SRPK2: variants seen among roughly 807,000 people sequenced by gnomAD.
SRPK2 encodes SRSF protein kinase 2.
Under a neutral mutation model 90.8 loss-of-function variants are expected in SRPK2, and 21 were observed. The ratio of observed to expected loss-of-function variants is 0.23; its 90% CI spans 0.16 to 0.33. The LOEUF is 0.33. Among genes scored for constraint, SRPK2 ranks in the 10% least tolerant of loss-of-function variants. The pLI is 1.00. For synonymous variants in SRPK2, 288 were observed against 311.1 expected (o/e 0.93, Z 0.78); for missense variants, 620 against 869.0 (o/e 0.71, Z 3.60).
At chr7:105,153,140 C>T (rs886321370) in intron 7 of SRPK2, among the ~76,000 whole-genome samples, 5 of 152,092 alleles carry the variant, frequency 3.3e-5, no homozygotes, top group African/African-American at 1.2e-4. Context: ...GAGCCAGGGA[C>T]GTGACTCTCA....
rs147276364 is a variant in SRPK2 at position 105,326,540 on chromosome 7, A to T, written c.71+62108T>A. Among the ~76,000 whole-genome samples, 550 of 152,306 alleles carry T rather than the reference A, an allele frequency of 3.6e-3. 3 individuals carry two copies. The highest frequency in any genetic ancestry group is 0.013 in the African/African-American group (520 of 41,572). On this transcript the variant is annotated intron_variant, in intron 2 of 15. Coordinates refer to ENST00000393651, the MANE Select transcript of SRPK2 (RefSeq NM_182692.3). ...TGGCAAGATCATGACTGGCCTTCTA[A>T]ATACTATCAATTATGCCATTCAAGT...
intron 2 of SRPK2, among the ~76,000 whole-genome samples, chr7:105,343,914 CA>C (rs1275464287): frequency 6.6e-6 from 1 of 151,794 alleles, no homozygotes. Context: ...AGGCATGCGC[CA>C]CCACACCCGG....
chr7:105,373,404 CTTTTT>C (rs60572082), intron 2 of SRPK2, among the ~76,000 whole-genome samples: 7 of 127,442 alleles, frequency 5.5e-5, no homozygotes, highest in South Asian at 2.5e-4. Context: ...TTTTCTTTTC[CTTTTT>C]TTTTTTTTTT....
rs370353468 is a variant in SRPK2, at chr7:105,143,058, C to T, written c.1060+26G>A. On this transcript the variant is annotated intron_variant, in intron 10 of 15. Transcript: ENST00000393651. Reference sequence around the variant, plus strand: ...CTAATGGAGCTCTGAGAACCCCATGCAGCCCAGGTTCCAGGCCCCACTGAC... The same window carrying T: ...CTAATGGAGCTCTGAGAACCCCATGTAGCCCAGGTTCCAGGCCCCACTGAC... 8.1e-6 allele frequency: 13 copies of T among 1,605,878 alleles called. No homozygotes were observed. The African/African-American group carries it at 1.5e-4, about 18-fold the overall frequency.
intron 2 of SRPK2, among the ~76,000 whole-genome samples, chr7:105,350,217 G>A (rs1331937315): frequency 1.4e-5 from 2 of 139,418 alleles, no homozygotes; most frequent in African/African-American, 2.7e-5. Flanking sequence ...TGCAACCTCC[G>A]CCTCCCCTGT....
At chr7:105,372,003 C>A (rs1332505995) in intron 2 of SRPK2, among the ~76,000 whole-genome samples, 1 of 151,650 alleles carries the variant, frequency 6.6e-6, no homozygotes, top group African/African-American at 2.4e-5. Context: ...GGCGTGGTGG[C>A]GGGCGCCTGT....
chr7:105,152,623 T>C (rs925969677), intron 7 of SRPK2, among the ~76,000 whole-genome samples: 22 of 152,340 alleles, frequency 1.4e-4, no homozygotes, highest in African/African-American at 5.3e-4. Context: ...AAAGGAATCA[T>C]GTTTCATCCC....
chr7:105,199,811 T>C (rs1795325396), intron 3 of SRPK2, among the ~76,000 whole-genome samples: 1 of 151,818 alleles, frequency 6.6e-6, no homozygotes, highest in Admixed American at 6.6e-5. Flanking sequence ...TTCCTAGCTC[T>C]GTACTGAGAT....
At chr7:105,374,582 T>C (rs1820073531) in intron 2 of SRPK2, among the ~76,000 whole-genome samples, 1 of 152,204 alleles carries the variant, frequency 6.6e-6, no homozygotes, top group Non-Finnish European at 1.5e-5. Flanking sequence ...TAATTAGTTA[T>C]GAAGTTTTTA....
intron 2 of SRPK2, among the ~76,000 whole-genome samples, chr7:105,278,040 G>A (rs930461439): frequency 6.6e-6 from 1 of 152,214 alleles, no homozygotes; most frequent in Admixed American, 6.5e-5. Flanking sequence ...GAGGCCAGGC[G>A]CGGTGGGGCT....
chr7:105,252,736 CTTTT>C (rs796434008), intron 2 of SRPK2, among the ~76,000 whole-genome samples: 1 of 126,804 alleles, frequency 7.9e-6, no homozygotes, highest in East Asian at 2.1e-4. Context: ...TCTTTCTTTT[CTTTT>C]TTTTTTCTTT....
chr7:105,305,500 T>C (rs1384476613), intron 2 of SRPK2, among the ~76,000 whole-genome samples: 1 of 152,112 alleles, frequency 6.6e-6, no homozygotes, highest in Non-Finnish European at 1.5e-5. Context: ...ACCAAGGAAA[T>C]TGTAGAGAAA....
At chr7:105,358,223 C>CAAA (rs976713048) in intron 2 of SRPK2, among the ~76,000 whole-genome samples, 455 of 50,920 alleles carry the variant, frequency 8.9e-3, no homozygotes, top group Non-Finnish European at 0.011. Flanking sequence ...GACTCCGTCT[C>CAAA]AAAAAAAAAA....
At chr7:105,266,770 T>C (rs1379910772) in intron 2 of SRPK2, among the ~76,000 whole-genome samples, 2 of 152,200 alleles carry the variant, frequency 1.3e-5, no homozygotes, top group East Asian at 3.8e-4. Flanking sequence ...CAGGATATAG[T>C]GTTACAAGCC....
chr7:105,124,609 C>T (rs1430490396), intron 15 of SRPK2, among the ~76,000 whole-genome samples: 8 of 94,202 alleles, frequency 8.5e-5, no homozygotes, highest in African/African-American at 2.7e-4. Flanking sequence ...CCACTGCACT[C>T]CAGCCTGGAC....
In SRPK2 at chr7:105,359,963, A is replaced by C. The variant is rs527519498; in HGVS notation, c.71+28685T>G. Among the ~76,000 whole-genome samples, 370 of 152,264 alleles carry C rather than the reference A, an allele frequency of 2.4e-3. 3 individuals carry two copies. The South Asian group carries it at 0.037, about 15-fold the overall frequency. Reference sequence around the variant, plus strand: ...ACCTTCTGTCTCGTTGATCTGTCTAATATTGACAGTGGGGTGTTAAAGTCT... The same window carrying C: ...ACCTTCTGTCTCGTTGATCTGTCTACTATTGACAGTGGGGTGTTAAAGTCT... On this transcript the variant is annotated intron_variant, in intron 2 of 15. Transcript: ENST00000393651.
chr7:105,295,285 GT>G (rs971855411), intron 2 of SRPK2, among the ~76,000 whole-genome samples: 1 of 150,470 alleles, frequency 6.6e-6, no homozygotes, highest in African/African-American at 2.4e-5. Context: ...TTTATATAAC[GT>G]TTTAATATAT....
At chr7:105,265,995 T>C (rs1343061137) in intron 2 of SRPK2, among the ~76,000 whole-genome samples, 1 of 152,120 alleles carries the variant, frequency 6.6e-6, no homozygotes, top group East Asian at 1.9e-4. Flanking sequence ...ATAGTTTTGA[T>C]CTTAGGAGTC....
At chr7:105,196,496 G>A (rs1794930311) in intron 3 of SRPK2, among the ~76,000 whole-genome samples, 1 of 152,144 alleles carries the variant, frequency 6.6e-6, no homozygotes. Context: ...ATGGGTAACT[G>A]TCCTGTGCGC....
Sources: gnomAD v4.1 joint callset for allele counts (sites outside exome capture counted in the v4.1 genomes callset) on GRCh38, gnomAD v4.1.1 for gene constraint, MANE v1.5 for transcripts, NCBI Gene and HGNC (gene_info 2026-07-23, HGNC 2026-07-21) for gene names.